ATP10D: variants seen among roughly 807,000 people sequenced by gnomAD.
ATP10D encodes the protein ATPase phospholipid transporting 10D (putative).
A neutral mutation model predicts 144.8 loss-of-function variants in ATP10D; 89 were observed. That is an observed-to-expected ratio of 0.61 (90% CI 0.52 to 0.73). ATP10D has a LOEUF of 0.73. Ranked by LOEUF, ATP10D falls within the 30% of genes least tolerant of loss-of-function variation. The pLI, the probability that ATP10D is intolerant of heterozygous loss-of-function variation, is 0.00. For synonymous variants in ATP10D, 571 were observed against 615.1 expected (o/e 0.93, Z 1.06); for missense variants, 1,603 against 1,714.8 (o/e 0.93, Z 1.15).
chr4:47,531,367 A>C (rs1166386238), intron 5 of ATP10D, among the ~76,000 whole-genome samples: 2 of 152,184 alleles, frequency 1.3e-5, no homozygotes, highest in Non-Finnish European at 2.9e-5. Flanking sequence ...CAATAAAGTG[A>C]AAAGAATGGC....
intron 10 of ATP10D, among the ~76,000 whole-genome samples, chr4:47,550,367 G>C (rs373993166): frequency 6.6e-6 from 1 of 151,966 alleles, no homozygotes; most frequent in African/African-American, 2.4e-5. Context: ...ACTATTAGAG[G>C]GCAAAGGGAG....
Position 47,569,109 on chromosome 4 carries a change from G to C in ATP10D, c.3126G>C (p.Leu1042Phe). Residue 1042 changes from leucine to phenylalanine, a missense_variant, in exon 16 of 23, where the codon TTG becomes TTC. Coordinates refer to ENST00000273859, the MANE Select transcript of ATP10D (RefSeq NM_020453.4). The part of the protein sequence containing the change: ...TPLQKSEVVK[L>F]VRSHLQVMTL... ...TGCAGAAAAGTGAAGTGGTGAAATT[G>C]GTCCGCAGCCATCTCCAGGTGATGA... 1 of 1,613,970 alleles carries C rather than the reference G, an allele frequency of 6.2e-7. No homozygotes were observed. The highest frequency in any genetic ancestry group is 8.5e-7 in the Non-Finnish European group (1 of 1,180,004).
At chr4:47,522,906 C>T (rs1717018183) in intron 3 of ATP10D, 106 bp from the exon 4 acceptor site, 1 of 932,314 alleles carries the variant, frequency 1.1e-6, no homozygotes, top group East Asian at 2.7e-5. Context: ...TACCCTAATA[C>T]TTAATATATA....
At chr4:47,536,111 A>C (rs1717834382) in intron 7 of ATP10D, 78 bp downstream of exon 7, 1 of 1,501,324 alleles carries the variant, frequency 6.7e-7, no homozygotes, top group South Asian at 1.3e-5. Context: ...ATATCTGTGA[A>C]TATTTGACTT....
intron 4 of ATP10D, among the ~76,000 whole-genome samples, chr4:47,523,818 T>A (rs1043825959): frequency 1.3e-5 from 2 of 151,282 alleles, no homozygotes; most frequent in African/African-American, 4.8e-5. Context: ...TTCATATGTA[T>A]TATTTGAATT....
At chr4:47,515,699 C>T (rs773859110) in intron 3 of ATP10D, 29 bp downstream of exon 3, 16 of 1,504,724 alleles carry the variant, frequency 1.1e-5, no homozygotes, top group Non-Finnish European at 1.5e-5. Context: ...TTGCTAAGGA[C>T]TATGTATGTA....
At chr4:47,536,393 C>A in intron 7 of ATP10D, 44 bp from the exon 8 acceptor site, 1 of 1,599,982 alleles carries the variant, frequency 6.3e-7, no homozygotes, top group Non-Finnish European at 8.5e-7. Flanking sequence ...TGTTTGCATG[C>A]CATATATTTA....
chr4:47,533,831 C>T (rs1018247452), intron 5 of ATP10D, among the ~76,000 whole-genome samples: 12 of 152,100 alleles, frequency 7.9e-5, no homozygotes, highest in Non-Finnish European at 4.4e-5. Context: ...TTTCCACTTC[C>T]ACTTCCTTTC....
intron 14 of ATP10D, among the ~76,000 whole-genome samples, chr4:47,561,436 C>CT (rs1203627340): frequency 2.0e-5 from 3 of 152,012 alleles, no homozygotes; most frequent in African/African-American, 2.4e-5. Flanking sequence ...TACGTGTTAT[C>CT]TTTTTTTTGA....
At chr4:47,511,411 C>T (rs1434442849) in intron 1 of ATP10D, among the ~76,000 whole-genome samples, 2 of 152,074 alleles carry the variant, frequency 1.3e-5, no homozygotes, top group Non-Finnish European at 2.9e-5. Context: ...TACTCAGAGG[C>T]TGTTGTTCTT....
chr4:47,485,708 A>T (rs1160384447), intron 1 of ATP10D, among the ~76,000 whole-genome samples, 189 bp downstream of exon 1: 1 of 152,074 alleles, frequency 6.6e-6, no homozygotes, highest in Non-Finnish European at 1.5e-5. Context: ...ACAACAAAAG[A>T]TAAAATGATT....
In ATP10D at chr4:47,556,423, A is replaced by C. The variant is rs1361357888; in HGVS notation, c.1825-1241A>C. ...GAATAAAGGCTGTTCTTTTCCCCAA[A>C]AAATATTTTTCTAATAAATCTGTTC... On this transcript the variant is annotated intron_variant, in intron 11 of 22. Coordinates refer to ENST00000273859, the MANE Select transcript of ATP10D (RefSeq NM_020453.4). Among the ~76,000 whole-genome samples, 5 of 152,216 alleles carry C rather than the reference A, an allele frequency of 3.3e-5. 1 individual carries two copies. Among genetic ancestry groups the C allele is most frequent in the African/African-American group, 1.2e-4 (5 of 41,452 alleles).
chr4:47,530,118 A>G (rs946200862), intron 5 of ATP10D, among the ~76,000 whole-genome samples: 1 of 152,020 alleles, frequency 6.6e-6, no homozygotes, highest in Admixed American at 6.6e-5. Context: ...CCTATTTTCC[A>G]ATTTGAATGC....
At chr4:47,555,764 T>G (rs765297523) in intron 11 of ATP10D, among the ~76,000 whole-genome samples, 73 of 152,078 alleles carry the variant, frequency 4.8e-4, no homozygotes, top group Non-Finnish European at 9.3e-4. Flanking sequence ...CTTCCTTTTT[T>G]TTTTTCTTGG....
chr4:47,509,943 GGTGTGTGTGTGT>G (rs67386792), intron 1 of ATP10D, among the ~76,000 whole-genome samples: 51 of 143,814 alleles, frequency 3.5e-4, no homozygotes, highest in African/African-American at 1.1e-3. Flanking sequence ...TTGTTTCAGG[GGTGTGTGTGTGT>G]GTGTGTGTGT....
At chr4:47,554,625 G>A in intron 10 of ATP10D, 101 bp from the exon 11 acceptor site, 1 of 911,150 alleles carries the variant, frequency 1.1e-6, no homozygotes, top group Non-Finnish European at 1.6e-6. Flanking sequence ...ACCATCTCAT[G>A]ATTCATTTAG....
intron 1 of ATP10D, among the ~76,000 whole-genome samples, chr4:47,510,964 C>T (rs1027015401): frequency 1.3e-5 from 2 of 152,130 alleles, no homozygotes; most frequent in African/African-American, 4.8e-5. Context: ...ATGAAAAGCA[C>T]TTAGTATTTA....
chr4:47,486,516 C>T (rs771780052), intron 1 of ATP10D, among the ~76,000 whole-genome samples: 2 of 152,224 alleles, frequency 1.3e-5, no homozygotes, highest in Non-Finnish European at 2.9e-5. Flanking sequence ...ATGTAGGTCA[C>T]ATTTCTGTGA....
chr4:47,515,047 G>A (rs1166750241), intron 2 of ATP10D, among the ~76,000 whole-genome samples: 4 of 152,054 alleles, frequency 2.6e-5, no homozygotes, highest in African/African-American at 4.8e-5. Context: ...TGCAGCCTCC[G>A]ACTTCTGGGT....
Sources: allele counts gnomAD v4.1 joint callset (sites outside exome capture counted in the v4.1 genomes callset), GRCh38; gene constraint gnomAD v4.1.1; transcripts MANE v1.5; gene names NCBI Gene and HGNC (gene_info 2026-07-23, HGNC 2026-07-21).